The following UBE2W variants were observed in gnomAD, a reference collection of about 807,000 sequenced individuals.
UBE2W encodes ubiquitin conjugating enzyme E2 W, also known as ubiquitin-conjugating enzyme E2 W.
UBE2W carries 18 observed loss-of-function variants against 27.2 expected under a neutral mutation model. That is an observed-to-expected ratio of 0.66 (90% CI 0.46 to 0.98). The LOEUF (loss-of-function observed/expected upper bound fraction) is 0.98, where lower values mean the gene tolerates loss of function less well. UBE2W is among the 50% of genes least tolerant of loss of function. The pLI, the probability that UBE2W is intolerant of heterozygous loss-of-function variation, is 0.00. For synonymous variants in UBE2W, 53 were observed against 57.2 expected (o/e 0.93, Z 0.33); for missense variants, 90 against 180.2 (o/e 0.50, Z 2.87).
intron 2 of UBE2W, among the ~76,000 whole-genome samples, chr8:73,827,372 C>A (rs1809888643): frequency 6.6e-6 from 1 of 152,082 alleles, no homozygotes; most frequent in African/African-American, 2.4e-5. Flanking sequence ...AGCCACCACA[C>A]CCGGCTAATT....
chr8:73,794,767 G>A (rs7018426), intron 5 of UBE2W, among the ~76,000 whole-genome samples: 16,947 of 149,928 alleles, frequency 0.11, 1,038 homozygotes, highest in Middle Eastern at 0.18. Flanking sequence ...GCTGGGCGTC[G>A]TGGCACACAT....
intron 1 of UBE2W, among the ~76,000 whole-genome samples, chr8:73,869,281 G>A (rs952176524): frequency 2.0e-5 from 3 of 152,168 alleles, no homozygotes; most frequent in Admixed American, 6.6e-5. Context: ...TTTAAGGCCG[G>A]GCACAGTGGC....
At chr8:73,795,644 T>C (rs1347973197) in intron 5 of UBE2W, 2 of 374,180 alleles carry the variant, frequency 5.3e-6, no homozygotes, top group South Asian at 1.1e-4. Context: ...GGCAAACTCA[T>C]AGAGTATTCC....
intron 1 of UBE2W, among the ~76,000 whole-genome samples, chr8:73,873,763 C>T (rs1310691011): frequency 2.0e-5 from 3 of 152,194 alleles, no homozygotes; most frequent in Admixed American, 6.5e-5. Flanking sequence ...AAATCTCAAC[C>T]TCCTTCCATC....
intron 3 of UBE2W, among the ~76,000 whole-genome samples, chr8:73,820,041 C>CT (rs1209183124): frequency 6.6e-6 from 1 of 152,150 alleles, no homozygotes; most frequent in African/African-American, 2.4e-5. Flanking sequence ...CCCAAAACTC[C>CT]TGGGCTGCCT....
chr8:73,849,116 C>G (rs561850977), intron 1 of UBE2W, among the ~76,000 whole-genome samples: 1 of 152,178 alleles, frequency 6.6e-6, no homozygotes, highest in Admixed American at 6.5e-5. Context: ...GGTGTTAACA[C>G]TGTTTCTTTC....
At chr8:73,846,000 A>C (rs2130938167) in intron 1 of UBE2W, among the ~76,000 whole-genome samples, 1 of 152,332 alleles carries the variant, frequency 6.6e-6, no homozygotes, top group East Asian at 1.9e-4. Context: ...AATGATCCCA[A>C]GGGACAGATC....
chr8:73,785,364 G>A (rs1215335618), downstream of UBE2W, among the ~76,000 whole-genome samples: 2 of 151,360 alleles, frequency 1.3e-5, no homozygotes, highest in African/African-American at 4.9e-5. Flanking sequence ...GGCTTGTATC[G>A]ACCTCCTGGC....
chr8:73,858,080 G>T (rs1811378306), intron 1 of UBE2W, among the ~76,000 whole-genome samples: 3 of 151,920 alleles, frequency 2.0e-5, no homozygotes, highest in Non-Finnish European at 2.9e-5. Flanking sequence ...CAAAAGTTAG[G>T]CAAGGCATGG....
chr8:73,807,678 C>T (rs1808974216), intron 4 of UBE2W, among the ~76,000 whole-genome samples: 1 of 152,132 alleles, frequency 6.6e-6, no homozygotes, highest in Non-Finnish European at 1.5e-5. Flanking sequence ...GGAATTGGTA[C>T]TACTAGAGCA....
At chr8:73,858,279 T>G (rs534533909) in intron 1 of UBE2W, among the ~76,000 whole-genome samples, 2 of 150,548 alleles carry the variant, frequency 1.3e-5, no homozygotes, top group Non-Finnish European at 3.0e-5. Flanking sequence ...GAGAACTGCT[T>G]GAACCTGGGA....
At chr8:73,878,751 C>T (rs902161564) in intron 1 of UBE2W, 57 bp downstream of exon 1, 1 of 1,465,474 alleles carries the variant, frequency 6.8e-7, no homozygotes, top group Non-Finnish European at 9.3e-7. Flanking sequence ...CCCGCCCGAA[C>T]GCTGGCACTC....
intron 1 of UBE2W, among the ~76,000 whole-genome samples, chr8:73,862,844 C>T: frequency 7.0e-6 from 1 of 143,524 alleles, no homozygotes. Flanking sequence ...TCATCACTGG[C>T]CATCAGAGAA....
At chr8:73,781,903 A>G (rs1807851944), downstream of UBE2W, among the ~76,000 whole-genome samples, 2 of 145,278 alleles carry the variant, frequency 1.4e-5, no homozygotes, top group South Asian at 2.2e-4. Context: ...GGCAGCCATC[A>G]TCCTGTCTTT....
downstream of UBE2W, among the ~76,000 whole-genome samples, chr8:73,781,625 T>G (rs981722432): frequency 6.6e-5 from 10 of 151,088 alleles, no homozygotes; most frequent in African/African-American, 2.4e-4. Flanking sequence ...TTGGGTTTTT[T>G]TTTTTTTTTT....
downstream of UBE2W, among the ~76,000 whole-genome samples, chr8:73,781,730 C>A (rs1179960492): frequency 6.6e-6 from 1 of 151,342 alleles, no homozygotes; most frequent in Non-Finnish European, 1.5e-5. Context: ...CATGTGCAGA[C>A]CACCATGTCT....
At chr8:73,840,434 T>C (rs1810494075) in intron 1 of UBE2W, among the ~76,000 whole-genome samples, 1 of 152,228 alleles carries the variant, frequency 6.6e-6, no homozygotes, top group Non-Finnish European at 1.5e-5. Context: ...TAACACATTT[T>C]GAAAATTAAA....
At chr8:73,871,876 C>T (rs896216791) in intron 1 of UBE2W, among the ~76,000 whole-genome samples, 3 of 151,798 alleles carry the variant, frequency 2.0e-5, no homozygotes, top group Admixed American at 1.3e-4. Context: ...TGGAGTGCAG[C>T]GGCACTTTAT....
chr8:73,808,025 G>A (rs1586459771), intron 4 of UBE2W, among the ~76,000 whole-genome samples: 1 of 152,124 alleles, frequency 6.6e-6, no homozygotes, highest in East Asian at 1.9e-4. Context: ...ATGACATACT[G>A]GATTTAAATA....
Sources: allele counts gnomAD v4.1 joint callset (sites outside exome capture counted in the v4.1 genomes callset), GRCh38; gene constraint gnomAD v4.1.1; transcripts MANE v1.5; gene names NCBI Gene and HGNC (gene_info 2026-07-23, HGNC 2026-07-21).